The following ARID1B variants were observed in gnomAD, a reference collection of about 807,000 sequenced individuals.
ARID1B encodes AT-rich interaction domain 1B, also known as AT-rich interactive domain-containing protein 1B.
In ARID1B, 30 loss-of-function variants were observed where a neutral mutation model predicts 212.3. That is an observed-to-expected ratio of 0.14 (90% CI 0.11 to 0.19). ARID1B has a LOEUF of 0.19. Ranked by LOEUF, ARID1B falls within the 10% of genes least tolerant of loss-of-function variation. The pLI, the probability that ARID1B is intolerant of heterozygous loss-of-function variation, is 1.00. For synonymous variants in ARID1B, 1,402 were observed against 1,301.7 expected (o/e 1.08, Z -1.66); for missense variants, 2,891 against 3,204.0 (o/e 0.90, Z 2.36).
Position 156,901,475 on chromosome 6 carries a change from C to G in ARID1B, c.2086C>G (p.Gln696Glu). ...QQPQPPHLPP[Q>E]AQYLPSQSQQ... ...GCCGCAGCCCCCGCACCTCCCACCC[C>G]AGGCGCAGTATCTGCCGTCCCAGTC... Residue 696 changes from glutamine (Q) to glutamate (E), a missense_variant, in exon 3 of 20, where the codon CAG becomes GAG. Physicochemically the swap from Gln to Glu is conservative, Grantham distance 29. Around this residue, in one of 7 missense-constraint regions of ARID1B, gnomAD observed 1,643 missense variants for 1,544.0 expected, o/e 1.06. Coordinates refer to ENST00000636930, the MANE Select transcript of ARID1B (RefSeq NM_001374828.1). 1 of 1,614,100 alleles carries G rather than the reference C, an allele frequency of 6.2e-7. No individual in the cohort carries two copies. The highest frequency in any genetic ancestry group is 1.1e-5 in the South Asian group (1 of 91,078).
intron 1 of ARID1B, among the ~76,000 whole-genome samples, chr6:156,791,723 T>C (rs1226340793): frequency 6.6e-6 from 1 of 152,212 alleles, no homozygotes; most frequent in African/African-American, 2.4e-5. Flanking sequence ...GCTTTCTACC[T>C]GGTCCAGGGT....
intron 7 of ARID1B, chr6:157,140,823 G>A (rs958772779): frequency 3.0e-5 from 12 of 395,418 alleles, no homozygotes; most frequent in African/African-American, 1.9e-4. Flanking sequence ...GAGAGGCAGC[G>A]GCCTTCCACA....
rs2115003872 is a variant in ARID1B, at chr6:156,779,371, C to T, written c.1691C>T (p.Ala564Val). 7.4e-7 allele frequency: 1 copy of T among 1,356,696 alleles called. No homozygotes were observed. 84.0% of individuals were successfully genotyped at this position (1,356,696 alleles called of 1,614,324 possible). The change falls in exon 1 of 20, where the codon GCC (alanine) becomes GTC (valine). Residue 564 changes from alanine (A) to valine (V), a missense_variant. Around this residue, in one of 7 missense-constraint regions of ARID1B, gnomAD observed 1,643 missense variants for 1,544.0 expected, o/e 1.06. Coordinates refer to ENST00000636930, the MANE Select transcript of ARID1B (RefSeq NM_001374828.1). ...AGMGLGKDMG[A>V]QYAAASPAWA... ...ATGGGCTTGGGCAAGGACATGGGCG[C>T]CCAGTACGCCGCTGCCAGCCCGGCC... is the stretch of plus-strand genomic sequence containing the variant.
chr6:156,848,915 T>TGA (rs1784404108), intron 2 of ARID1B, among the ~76,000 whole-genome samples: 2 of 152,392 alleles, frequency 1.3e-5, no homozygotes, highest in South Asian at 4.1e-4. Flanking sequence ...GTAAAATATT[T>TGA]GTTACAATAA....
chr6:157,189,317 C>T (rs1388688923), intron 13 of ARID1B, among the ~76,000 whole-genome samples: 1 of 152,190 alleles, frequency 6.6e-6, no homozygotes, highest in Non-Finnish European at 1.5e-5. Flanking sequence ...TGCCTAAAGC[C>T]TCCTTTTTAT....
intron 1 of ARID1B, among the ~76,000 whole-genome samples, chr6:156,797,023 G>A (rs550617091): frequency 6.6e-6 from 1 of 152,042 alleles, no homozygotes; most frequent in East Asian, 1.9e-4. Context: ...AGTCAGGGTT[G>A]GGTGGGTGGG....
intron 2 of ARID1B, among the ~76,000 whole-genome samples, chr6:156,882,920 A>G (rs895455599): frequency 6.6e-6 from 1 of 152,192 alleles, no homozygotes; most frequent in Non-Finnish European, 1.5e-5. Flanking sequence ...AGGGGCTTTT[A>G]TGTTGAGGCC....
intron 4 of ARID1B, among the ~76,000 whole-genome samples, chr6:156,971,803 C>A (rs569261335): frequency 5.3e-5 from 8 of 152,288 alleles, no homozygotes; most frequent in African/African-American, 1.9e-4. Context: ...AAGGAGCTCT[C>A]CTGCTTAGAA....
chr6:156,872,257 A>G (rs1040145074), intron 2 of ARID1B, among the ~76,000 whole-genome samples: 2 of 152,222 alleles, frequency 1.3e-5, no homozygotes, highest in Non-Finnish European at 2.9e-5. Flanking sequence ...TTAGTGCTCA[A>G]TAAATCTCCT....
At chr6:156,782,921 C>T (rs891013411) in intron 1 of ARID1B, among the ~76,000 whole-genome samples, 1 of 150,118 alleles carries the variant, frequency 6.7e-6, no homozygotes, top group Non-Finnish European at 1.5e-5. Context: ...GGCTTAAAAT[C>T]GTTTTCATTG....
At chr6:156,909,142 T>C (rs1221475055) in intron 3 of ARID1B, among the ~76,000 whole-genome samples, 25 of 147,666 alleles carry the variant, frequency 1.7e-4, no homozygotes, top group Non-Finnish European at 3.7e-4. Context: ...TTTTTTTTTT[T>C]TGAGACAGAG....
intron 13 of ARID1B, 108 bp downstream of exon 13, chr6:157,184,543 T>C: frequency 7.8e-7 from 1 of 1,290,308 alleles, no homozygotes; most frequent in Non-Finnish European, 1.1e-6. Flanking sequence ...TTGGGACTTT[T>C]GAGAGGTGGG....
At chr6:156,865,855 T>C (rs1157858166) in intron 2 of ARID1B, among the ~76,000 whole-genome samples, 1 of 152,034 alleles carries the variant, frequency 6.6e-6, no homozygotes, top group Non-Finnish European at 1.5e-5. Context: ...TTTGTTTTGT[T>C]GTAAAAGACT....
intron 4 of ARID1B, among the ~76,000 whole-genome samples, chr6:157,045,524 T>C (rs1476755760): frequency 6.6e-6 from 1 of 152,194 alleles, no homozygotes; most frequent in Admixed American, 6.5e-5. Context: ...TGGAGTGCAG[T>C]GGCACCATCT....
intron 7 of ARID1B, among the ~76,000 whole-genome samples, chr6:157,134,166 T>G (rs1788747134): frequency 2.6e-5 from 4 of 152,216 alleles, no homozygotes; most frequent in Admixed American, 2.6e-4. Context: ...GTTTGCCTGG[T>G]GTAGCGCCTT....
chr6:156,804,597 A>G (rs1562397710), intron 1 of ARID1B, among the ~76,000 whole-genome samples: 1 of 152,120 alleles, frequency 6.6e-6, no homozygotes, highest in Non-Finnish European at 1.5e-5. Context: ...GTGCCCAGCG[A>G]AGGGGGAAGC....
intron 4 of ARID1B, among the ~76,000 whole-genome samples, chr6:156,960,362 C>A (rs1443661372): frequency 2.0e-5 from 3 of 152,090 alleles, no homozygotes; most frequent in Non-Finnish European, 4.4e-5. Flanking sequence ...TAGTGCATTT[C>A]TCTGGACATT....
intron 4 of ARID1B, among the ~76,000 whole-genome samples, chr6:157,079,452 A>G (rs1784503457): frequency 6.6e-6 from 1 of 152,218 alleles, no homozygotes; most frequent in Non-Finnish European, 1.5e-5. Flanking sequence ...CAATTCTCAT[A>G]TCAATTTCAA....
chr6:157,068,512 C>T lies in ARID1B; in HGVS notation c.2248-16150C>T, dbSNP rs916283165. Among the ~76,000 whole-genome samples, 8 of 152,270 alleles carry T rather than the reference C, an allele frequency of 5.3e-5. 1 individual carries two copies. Among genetic ancestry groups the T allele is most frequent in the African/African-American group, 1.2e-4 (5 of 41,556 alleles). ...GGAGAAAACATTCTGTGAGACCCAC[C>T]GAAGGGTAGAAATTAGAAAACAAGA... On this transcript the variant is annotated intron_variant, in intron 4 of 19. Transcript: ENST00000636930.
Sources: gnomAD v4.1 joint callset for allele counts (sites outside exome capture counted in the v4.1 genomes callset) on GRCh38, gnomAD v4.1.1 for gene constraint, gnomAD v4.1.1 regional missense constraint, MANE v1.5 for transcripts, NCBI Gene and HGNC (gene_info 2026-07-23, HGNC 2026-07-21) for gene names.